The following SLC25A33 variants were observed in gnomAD, a reference collection of about 807,000 sequenced individuals.
SLC25A33 encodes the protein bone marrow stromal cell mitochondrial carrier protein.
In SLC25A33, 15 loss-of-function variants were observed where a neutral mutation model predicts 35.5. That is an observed-to-expected ratio of 0.42 (90% CI 0.28 to 0.65). The LOEUF (loss-of-function observed/expected upper bound fraction) is 0.65, where lower values mean the gene tolerates loss of function less well. Among genes scored for constraint, SLC25A33 ranks in the 30% least tolerant of loss-of-function variants. The probability of loss-of-function intolerance (pLI) is 0.20; values close to 1 mark genes in which losing one functional copy is unlikely to be tolerated. For synonymous variants in SLC25A33, 136 were observed against 148.7 expected (o/e 0.91, Z 0.62); for missense variants, 257 against 398.5 (o/e 0.64, Z 3.02).
chr1:9,564,739 A>ATGT (rs1211262069), intron 2 of SLC25A33, among the ~76,000 whole-genome samples: 1 of 96,584 alleles, frequency 1.0e-5, no homozygotes, highest in South Asian at 3.1e-4. Flanking sequence ...AAAAAAAAAA[A>ATGT]ATATATATAT....
At chr1:9,553,417 TAG>T (rs1345631623) in intron 1 of SLC25A33, among the ~76,000 whole-genome samples, 1 of 151,712 alleles carries the variant, frequency 6.6e-6, no homozygotes, top group Non-Finnish European at 1.5e-5. Flanking sequence ...GTATTTTTAG[TAG>T]AGACAGGGTT....
chr1:9,576,871 T>G, intron 5 of SLC25A33: 3 of 1,259,966 alleles, frequency 2.4e-6, no homozygotes, highest in Non-Finnish European at 3.4e-6. Flanking sequence ...ACATCGAGCT[T>G]GTTTCAAATT....
At chr1:9,580,725 G>C (rs560877809) in intron 6 of SLC25A33, among the ~76,000 whole-genome samples, 1 of 151,670 alleles carries the variant, frequency 6.6e-6, no homozygotes, top group South Asian at 2.1e-4. Context: ...GCGTGGTGGC[G>C]CACGCCTGTA....
rs1569832963 is a variant in SLC25A33, at chr1:9,539,615, C to G, written c.-77C>G. ...CTGAGGGCAGCGGGGAGACAAGACCCGGCGACCTCGCGCATCCCTCGAGCC... is the reference window on the plus strand; with the variant it reads ...CTGAGGGCAGCGGGGAGACAAGACCGGGCGACCTCGCGCATCCCTCGAGCC... On this transcript the variant is annotated 5_prime_UTR_variant, in exon 1 of 7. Transcript: ENST00000302692. The G allele has an allele frequency of 8.3e-7, 1 of 1,199,732 alleles. No individual in the cohort carries two copies. The highest frequency in any genetic ancestry group is 1.1e-6 in the Non-Finnish European group (1 of 939,852). 74.3% of individuals were successfully genotyped at this position (1,199,732 alleles called of 1,614,324 possible).
At position 9,541,288 on chromosome 1, in the gene SLC25A33, G is replaced by A. The variant is rs61782976; in HGVS notation, c.56+1541G>A. Reference sequence around the variant, plus strand: ...CCTGTCTCAGCCTCCCGAGTAGCTGGGACTACAGGCACCCGCCACTACGCC... The same window carrying A: ...CCTGTCTCAGCCTCCCGAGTAGCTGAGACTACAGGCACCCGCCACTACGCC... On this transcript the variant is annotated intron_variant, in intron 1 of 6. Coordinates refer to ENST00000302692, the MANE Select transcript of SLC25A33 (RefSeq NM_032315.3). Among the ~76,000 whole-genome samples, 444 of 151,962 alleles carry A rather than the reference G, an allele frequency of 2.9e-3. 3 individuals are homozygous for A. Among genetic ancestry groups the A allele is most frequent in the African/African-American group, 9.9e-3 (410 of 41,480 alleles).
At chr1:9,553,283 G>C (rs1490037822) in intron 1 of SLC25A33, among the ~76,000 whole-genome samples, 1 of 129,956 alleles carries the variant, frequency 7.7e-6, no homozygotes, top group Non-Finnish European at 1.6e-5. Context: ...CTGGAGTGCA[G>C]TGGCACAATC....
intron 4 of SLC25A33, among the ~76,000 whole-genome samples, chr1:9,570,964 C>T (rs111313163): frequency 1.4e-3 from 218 of 152,228 alleles, no homozygotes; most frequent in African/African-American, 5.0e-3. Flanking sequence ...CCACCCTCCT[C>T]GGCCTCCCAG....
chr1:9,545,366 G>A (rs1437071928), intron 1 of SLC25A33, among the ~76,000 whole-genome samples: 1 of 151,900 alleles, frequency 6.6e-6, no homozygotes, highest in Non-Finnish European at 1.5e-5. Flanking sequence ...GAATACATAG[G>A]CTGGGTGTGG....
intron 2 of SLC25A33, chr1:9,556,150 ACTC>A (rs1383216562): frequency 1.0e-6 from 1 of 979,820 alleles, no homozygotes; most frequent in Non-Finnish European, 1.2e-6. Context: ...CTGTGAGAAC[ACTC>A]CTCCTGCTTT....
chr1:9,550,480 T>C (rs12097188), intron 1 of SLC25A33, among the ~76,000 whole-genome samples: 2,373 of 152,142 alleles, frequency 0.016, 59 homozygotes, highest in African/African-American at 0.054. Flanking sequence ...TTTCAATGAT[T>C]TGGAGTTACG....
Position 9,582,720 on chromosome 1 carries a change from G to T in SLC25A33, c.*219G>T. On this transcript the variant is annotated 3_prime_UTR_variant, in exon 7 of 7. Coordinates refer to ENST00000302692, the MANE Select transcript of SLC25A33 (RefSeq NM_032315.3). This position sits in a 1 kb window ranked among gnomAD's most constrained non-coding sequence, Gnocchi z 4.0. ...TTATAACTTTTTTTTTAACTTAAGA[G>T]GATTCAGGGTTAAGCACCAACTAAA... 1 of 541,246 alleles carries T rather than the reference G, an allele frequency of 1.8e-6. No individual in the cohort carries two copies. Among genetic ancestry groups the T allele is most frequent in the Middle Eastern group, 4.9e-4 (1 of 2,028 alleles). 33.5% of individuals were successfully genotyped at this position (541,246 alleles called of 1,614,324 possible).
At chr1:9,560,125 G>A (rs1643400537) in intron 2 of SLC25A33, among the ~76,000 whole-genome samples, 1 of 151,922 alleles carries the variant, frequency 6.6e-6, no homozygotes, top group African/African-American at 2.4e-5. Flanking sequence ...GGCAGCACGT[G>A]CCTGTAATCC....
chr1:9,584,457 T>A lies in SLC25A33; in HGVS notation c.*1956T>A, dbSNP rs181155984. On this transcript the variant is annotated 3_prime_UTR_variant, in exon 7 of 7. Coordinates refer to ENST00000302692, the MANE Select transcript of SLC25A33 (RefSeq NM_032315.3). ...CTGTCTCTCCCAGGCTGGAGTGCAG[T>A]GGCACAATCTCGGCTCACTACAGCC... 6 of 152,488 alleles carry A rather than the reference T, an allele frequency of 3.9e-5. No homozygotes were observed. Among genetic ancestry groups the A allele is most frequent in the Admixed American group, 3.9e-4 (6 of 15,298 alleles). 9.4% of individuals were successfully genotyped at this position (152,488 alleles called of 1,614,324 possible).
At chr1:9,551,792 T>C (rs953096868) in intron 1 of SLC25A33, among the ~76,000 whole-genome samples, 9 of 152,184 alleles carry the variant, frequency 5.9e-5, no homozygotes, top group African/African-American at 2.2e-4. Flanking sequence ...TAGGAACTTG[T>C]TGAGCCCTGA....
chr1:9,550,889 G>C (rs1299429780), intron 1 of SLC25A33, among the ~76,000 whole-genome samples: 1 of 151,802 alleles, frequency 6.6e-6, no homozygotes, highest in African/African-American at 2.4e-5. Flanking sequence ...TGTTGGCCAG[G>C]CTGGTCTCCA....
rs754699016 is a variant in SLC25A33 at position 9,580,212 on chromosome 1, C to T, written c.741C>T (p.Ala247=). The change falls in exon 6 of 7, where the codon GCC becomes GCT. Residue 247 remains alanine (A), a synonymous_variant. Transcript: ENST00000302692. ...CTGCTGCTCTTTCTAAGGGCTGTGC[C>T]TCCTGCATTGCTTATCCACACGGTA... The part of the protein sequence containing the change: ...MAAAALSKGC[A]SCIAYPHEVI... The T allele has an allele frequency of 6.2e-7, 1 of 1,610,584 alleles. No homozygotes were observed. Among genetic ancestry groups the T allele is most frequent in the African/African-American group, 1.3e-5 (1 of 74,502 alleles).
intron 2 of SLC25A33, among the ~76,000 whole-genome samples, chr1:9,560,145 G>C (rs1171191734): frequency 2.0e-5 from 3 of 151,882 alleles, no homozygotes; most frequent in African/African-American, 7.3e-5. Flanking sequence ...CCAGCTTCTC[G>C]GGAGGGTGAG....
intron 1 of SLC25A33, among the ~76,000 whole-genome samples, chr1:9,547,296 A>G (rs1643187643): frequency 6.6e-6 from 1 of 152,146 alleles, no homozygotes; most frequent in Non-Finnish European, 1.5e-5. Context: ...TCTACTAAAA[A>G]TACAAAAATT....
chr1:9,563,302 A>C (rs945659198), intron 2 of SLC25A33, among the ~76,000 whole-genome samples: 4 of 152,128 alleles, frequency 2.6e-5, no homozygotes, highest in African/African-American at 9.7e-5. Context: ...ACTCTTTTTC[A>C]TCTAATTGCT....
Sources: gnomAD v4.1 joint callset for allele counts (sites outside exome capture counted in the v4.1 genomes callset) on GRCh38, gnomAD v4.1.1 for gene constraint, Gnocchi (gnomAD v3.1) non-coding constraint, MANE v1.5 for transcripts, NCBI Gene and HGNC (gene_info 2026-07-23, HGNC 2026-07-21) for gene names.